The following RNF182 variants were observed in gnomAD, a reference collection of about 807,000 sequenced individuals.
The protein encoded by RNF182 is ring finger protein 182.
In RNF182, 15 loss-of-function variants were observed where a neutral mutation model predicts 14.4. That is an observed-to-expected ratio of 1.04 (90% CI 0.70 to 1.60). The LOEUF (loss-of-function observed/expected upper bound fraction) is 1.60, where lower values mean the gene tolerates loss of function less well. Ranked by LOEUF, RNF182 falls within the 40% of genes most tolerant of loss-of-function variation. The pLI is 0.00. For synonymous variants in RNF182, 128 were observed against 122.9 expected (o/e 1.04, Z -0.27); for missense variants, 268 against 294.8 (o/e 0.91, Z 0.67).
chr6:13,933,746 G>C (rs756762956), intron 1 of RNF182, among the ~76,000 whole-genome samples: 5 of 152,148 alleles, frequency 3.3e-5, no homozygotes, highest in Non-Finnish European at 7.4e-5. Context: ...GGCCAGGCAT[G>C]GTGGCTTATG....
chr6:13,976,449 T>G (rs1329949163), intron 2 of RNF182, among the ~76,000 whole-genome samples: 1 of 152,230 alleles, frequency 6.6e-6, no homozygotes, highest in African/African-American at 2.4e-5. Flanking sequence ...ATTTTTAACA[T>G]TTGTCCTTAA....
Position 13,977,753 on chromosome 6 carries a change from G to T in RNF182, c.634G>T (p.Gly212Trp), listed in dbSNP as rs747361337. The T allele has an allele frequency of 6.2e-7, 1 of 1,613,914 alleles. No individual in the cohort carries two copies. The highest frequency in any genetic ancestry group is 8.5e-7 in the Non-Finnish European group (1 of 1,179,998). ...ACTGGTGTCTAAGAAAGTCACCCTT[G>T]GGGTCGTCTTTGTCAGCCTGGTCCC... ...YLLVSKKVTL[G>W]VVFVSLVPSS... The change falls in exon 3 of 3, where the codon GGG (glycine) becomes TGG (tryptophan). Residue 212 changes from glycine (G) to tryptophan (W), a missense_variant. Transcript: ENST00000488300.
intron 1 of RNF182, among the ~76,000 whole-genome samples, chr6:13,962,047 T>G (rs985088886): frequency 3.2e-4 from 49 of 152,340 alleles, no homozygotes; most frequent in African/African-American, 1.1e-3. Context: ...AACCCTTAAT[T>G]CTGAGACCAT....
At chr6:13,944,178 G>A (rs1466223303) in intron 1 of RNF182, among the ~76,000 whole-genome samples, 1 of 152,112 alleles carries the variant, frequency 6.6e-6, no homozygotes, top group Non-Finnish European at 1.5e-5. Context: ...CATCTCAAAG[G>A]TACAAGGAAA....
At position 13,966,937 on chromosome 6, in the gene RNF182, A is replaced by G. The variant is rs1305636739; in HGVS notation, c.-366-7273A>G. On this transcript the variant is annotated intron_variant, in intron 1 of 2. Coordinates refer to ENST00000488300, the MANE Select transcript of RNF182 (RefSeq NM_152737.4). ...CTGCAGCCTCGGCCTCCTGGACTCAAGTGAGCCTCCCATCTCAGCCTTCTG... is the reference window on the plus strand; with the variant it reads ...CTGCAGCCTCGGCCTCCTGGACTCAGGTGAGCCTCCCATCTCAGCCTTCTG... 3.9e-5 allele frequency among the ~76,000 whole-genome samples: 6 copies of G among 152,000 alleles called. No homozygotes were observed. In the East Asian group the frequency reaches 9.7e-4, roughly 24 times the overall value.
intron 1 of RNF182, among the ~76,000 whole-genome samples, chr6:13,935,304 C>CTT (rs35600837): frequency 4.7e-5 from 7 of 150,092 alleles, no homozygotes; most frequent in Non-Finnish European, 7.4e-5. Flanking sequence ...GAAACAATGT[C>CTT]TTTTTTTTTT....
At chr6:13,967,608 G>A (rs1249848796) in intron 1 of RNF182, among the ~76,000 whole-genome samples, 1 of 152,008 alleles carries the variant, frequency 6.6e-6, no homozygotes, top group African/African-American at 2.4e-5. Context: ...AAATTAAAAG[G>A]AAAAGATTTT....
intron 1 of RNF182, among the ~76,000 whole-genome samples, chr6:13,962,299 G>A (rs1262741723): frequency 1.3e-5 from 2 of 152,140 alleles, no homozygotes; most frequent in Admixed American, 6.6e-5. Flanking sequence ...TAGGAACATC[G>A]GGTTTTGTGA....
At chr6:13,948,957 A>G (rs1005106231) in intron 1 of RNF182, 27 of 283,158 alleles carry the variant, frequency 9.5e-5, no homozygotes, top group African/African-American at 3.9e-4. Flanking sequence ...TCACTTTTGC[A>G]TTAATGTACT....
intron 1 of RNF182, among the ~76,000 whole-genome samples, chr6:13,938,004 G>GTTTTTTTTTTTTTTTTTT (rs70989897): frequency 8.8e-5 from 7 of 79,596 alleles, no homozygotes; most frequent in Non-Finnish European, 1.1e-4. Context: ...TTTTCTTACT[G>GTTTTTTTTTTTTTTTTTT]TTTTTTTTTT....
chr6:13,958,910 G>A (rs547877218), intron 1 of RNF182, among the ~76,000 whole-genome samples: 1 of 152,210 alleles, frequency 6.6e-6, no homozygotes, highest in South Asian at 2.1e-4. Flanking sequence ...TCTTCTTTGG[G>A]GGTGAATGAA....
chr6:13,951,638 G>T lies in RNF182; in HGVS notation c.-366-22572G>T, dbSNP rs1759596153. Among the ~76,000 whole-genome samples, 3 of 152,266 alleles carry T rather than the reference G, an allele frequency of 2.0e-5. No individual in the cohort carries two copies. The South Asian group carries it at 6.2e-4, about 32-fold the overall frequency. On this transcript the variant is annotated intron_variant, in intron 1 of 2. Coordinates refer to ENST00000488300, the MANE Select transcript of RNF182 (RefSeq NM_152737.4). ...TCATTTAACCAGTTTTCACAGACAG[G>T]CCAGAAGCCTGACTGGTAGGAAATT...
At chr6:13,961,719 G>C (rs1178589618) in intron 1 of RNF182, among the ~76,000 whole-genome samples, 1 of 152,136 alleles carries the variant, frequency 6.6e-6, no homozygotes, top group Non-Finnish European at 1.5e-5. Context: ...TAACTTGGCT[G>C]TATCCTAATA....
intron 1 of RNF182, among the ~76,000 whole-genome samples, chr6:13,938,530 A>G (rs1381469975): frequency 1.3e-5 from 2 of 152,110 alleles, no homozygotes; most frequent in Non-Finnish European, 1.5e-5. Context: ...GCCTGCTCCA[A>G]TATCATGAAG....
intron 1 of RNF182, among the ~76,000 whole-genome samples, chr6:13,954,356 C>A (rs1414843810): frequency 6.6e-6 from 1 of 152,192 alleles, no homozygotes; most frequent in Non-Finnish European, 1.5e-5. Context: ...TTCTCCCCTT[C>A]CCCATTGGTT....
intron 1 of RNF182, among the ~76,000 whole-genome samples, chr6:13,965,710 G>T (rs772196184): frequency 1.3e-5 from 2 of 152,168 alleles, no homozygotes; most frequent in Non-Finnish European, 2.9e-5. Flanking sequence ...TTTGGTCTAG[G>T]CCCTACTTGC....
At position 13,962,345 on chromosome 6, in the gene RNF182, T is replaced by C. The variant is rs186938094; in HGVS notation, c.-366-11865T>C. ...GGGTGTCAGAGAGATGGCAAGCATG[T>C]GTACTTTATCAATAGCTGAGCGTAA... On this transcript the variant is annotated intron_variant, in intron 1 of 2. Transcript: ENST00000488300. 1.1e-4 allele frequency among the ~76,000 whole-genome samples: 16 copies of C among 152,324 alleles called. No homozygotes were observed. The East Asian group carries it at 2.3e-3, about 22-fold the overall frequency.
In RNF182 at chr6:13,976,916, A is replaced by C; in HGVS notation, c.-204A>C. ...CTCTTTTCTTCTTTACAGACCCTTCATGTGGCCTTTATAAATATGCGTTTG... is the reference window on the plus strand; with the variant it reads ...CTCTTTTCTTCTTTACAGACCCTTCCTGTGGCCTTTATAAATATGCGTTTG... On this transcript the variant is annotated 5_prime_UTR_variant, in exon 3 of 3. The change abolishes an upstream ATG in the 5' untranslated region. Transcript: ENST00000488300. 1.7e-6 allele frequency: 1 copy of C among 601,506 alleles called. No homozygotes were observed. The highest frequency in any genetic ancestry group is 2.2e-5 in the South Asian group (1 of 44,512). 37.3% of individuals were successfully genotyped at this position (601,506 alleles called of 1,614,324 possible).
chr6:13,960,967 A>C (rs888720297), intron 1 of RNF182, among the ~76,000 whole-genome samples: 1 of 152,156 alleles, frequency 6.6e-6, no homozygotes, highest in Non-Finnish European at 1.5e-5. Context: ...ATTCTTATTA[A>C]TCATGATCTT....
Sources: gnomAD v4.1 joint callset for allele counts (sites outside exome capture counted in the v4.1 genomes callset) on GRCh38, gnomAD v4.1.1 for gene constraint, MANE v1.5 for transcripts, NCBI Gene and HGNC (gene_info 2026-07-23, HGNC 2026-07-21) for gene names.